CSF1: variants seen among roughly 807,000 people sequenced by gnomAD.
CSF1 encodes macrophage colony-stimulating factor 1.
In CSF1, 9 loss-of-function variants were observed where a neutral mutation model predicts 48.9. That is an observed-to-expected ratio of 0.18 (90% CI 0.11 to 0.32). CSF1 has a LOEUF of 0.32. CSF1 is among the 10% of genes least tolerant of loss of function. CSF1 has a pLI of 1.00. For missense variants in CSF1, 672 were observed against 697.9 expected, an observed-to-expected ratio of 0.96 and a Z score of 0.42; for synonymous variants, 305 against 284.1, an observed-to-expected ratio of 1.07 and a Z score of -0.74.
intron 4 of CSF1, among the ~76,000 whole-genome samples, chr1:109,921,626 C>A (rs1647547192): frequency 6.6e-6 from 1 of 152,166 alleles, no homozygotes; most frequent in Non-Finnish European, 1.5e-5. Context: ...AGGTAATTAC[C>A]ATATGCCTGG....
At position 109,921,993 on chromosome 1, in the gene CSF1, A is replaced by T; in HGVS notation, c.543A>T (p.Gln181His). The T allele has an allele frequency of 6.3e-7, 1 of 1,596,002 alleles. No individual in the cohort carries two copies. Residue 181 changes from glutamine to histidine, a missense_variant and splice_region_variant, in exon 5 of 9, where the codon CAA (glutamine) becomes CAT (histidine). Transcript: ENST00000329608. Reference protein sequence around the residue: ...CNNSFAECSSQDVVTKPDCNC... With the variant: ...CNNSFAECSSHDVVTKPDCNC... ...ACAGCTTTGCTGAATGCTCCAGCCA[A>T]GGTAAGCATGGCAGGGGCCAGCAAG...
At chr1:109,920,568 C>T (rs1257670871) in intron 4 of CSF1, among the ~76,000 whole-genome samples, 2 of 152,288 alleles carry the variant, frequency 1.3e-5, no homozygotes, top group Admixed American at 1.3e-4. Flanking sequence ...CAGCCTGCCT[C>T]GGCCTCCCAA....
intron 3 of CSF1, 102 bp from the exon 4 acceptor site, chr1:109,917,191 T>TG: frequency 7.9e-7 from 1 of 1,267,900 alleles, no homozygotes; most frequent in South Asian, 1.4e-5. Context: ...GTCCCTCCCC[T>TG]GGGGGAAGGG....
rs752705819 is a variant in CSF1, at chr1:109,923,769, C to G, written c.1148C>G (p.Thr383Ser). The G allele has an allele frequency of 3.1e-6, 5 of 1,607,192 alleles. No individual in the cohort carries two copies. The highest frequency in any genetic ancestry group is 1.7e-4 in the Middle Eastern group (1 of 6,006). The change falls in exon 6 of 9, where the codon ACC becomes AGC. Residue 383 changes from threonine (T) to serine (S), a missense_variant. This residue lies in a region of CSF1 where 591 missense variants were observed against 593.6 expected (regional missense o/e 1.00). Transcript: ENST00000329608. ...CCCACTGGCCAGGACTGGAATCACA[C>G]CCCCCAGAAGACAGACCATCCATCT... ...VRPTGQDWNH[T>S]PQKTDHPSAL...
intron 4 of CSF1, among the ~76,000 whole-genome samples, chr1:109,918,701 C>T (rs1647369471): frequency 6.6e-6 from 1 of 151,980 alleles, no homozygotes; most frequent in South Asian, 2.1e-4. Context: ...ATGGGCAGAG[C>T]AGGTTTGAGG....
rs911273942 is a variant in CSF1, at chr1:109,915,762, G to T, written c.225+66G>T. On this transcript the variant is annotated intron_variant, in intron 3 of 8. Transcript: ENST00000329608. ...ATGCAACTCCCAGGGTGGGGTGTGT[G>T]GGGGAGCATGAAAGCGGCAGAATGC... 9 of 1,348,996 alleles carry T rather than the reference G, an allele frequency of 6.7e-6. No homozygotes were observed. In the Admixed American group the frequency reaches 6.7e-5, roughly 10 times the overall value. 83.6% of individuals were successfully genotyped at this position (1,348,996 alleles called of 1,614,324 possible).
At chr1:109,925,654 C>T (rs1387772710) in intron 8 of CSF1, among the ~76,000 whole-genome samples, 2 of 152,198 alleles carry the variant, frequency 1.3e-5, no homozygotes, top group African/African-American at 4.8e-5. Flanking sequence ...GTTAACCCTC[C>T]TCCCCAGCTG....
At position 109,929,695 on chromosome 1, in the gene CSF1, C is replaced by A; in HGVS notation, c.*857C>A. On this transcript the variant is annotated 3_prime_UTR_variant, in exon 9 of 9. Transcript: ENST00000329608. The stretch of plus-strand genomic sequence containing the variant: ...CAGCCTGCCCCCGTCCATCCATGAG[C>A]CAGCATCCGTCCGTCCTCCACTCTC... 6.5e-6 allele frequency: 1 copy of A among 154,594 alleles called. No homozygotes were observed. Among genetic ancestry groups the A allele is most frequent in the Non-Finnish European group, 1.4e-5 (1 of 69,612 alleles). The allele number at this position is 154,594 out of a possible 1,614,324, so 9.6% of individuals were successfully genotyped here.
In CSF1 at chr1:109,914,377, G is replaced by T; in HGVS notation, c.158G>T (p.Arg53Leu). ...AGTGGACACCTGCAGTCTCTGCAGC[G>T]GCTGGTGAGTGTGTGGCCATGCTGT... ...IGSGHLQSLQ[R>L]LIDSQMETSC... Residue 53 changes from arginine to leucine, a missense_variant, in exon 2 of 9, where the codon CGG becomes CTG. Arg to Leu is a moderately radical substitution (Grantham distance 102). Around this residue, in one of 3 missense-constraint regions of CSF1, gnomAD observed 28 missense variants for 58.8 expected, o/e 0.48. Transcript: ENST00000329608. 5 of 1,598,284 alleles carry T rather than the reference G, an allele frequency of 3.1e-6. No individual in the cohort carries two copies. The South Asian group carries it at 4.6e-5, about 15-fold the overall frequency.
In CSF1 at chr1:109,922,010, G is replaced by T. The variant is rs769778625; in HGVS notation, c.544+16G>T. ...TCCAGCCAAGGTAAGCATGGCAGGG[G>T]CCAGCAAGTGTGTGGGGGTGGTAGC... is the stretch of plus-strand genomic sequence containing the variant. On this transcript the variant is annotated intron_variant, in intron 5 of 8. Coordinates refer to ENST00000329608, the MANE Select transcript of CSF1 (RefSeq NM_000757.6). 1.3e-6 allele frequency: 2 copies of T among 1,581,100 alleles called. No individual in the cohort carries two copies.
chr1:109,914,451 G>C, intron 2 of CSF1, 70 bp downstream of exon 2: 1 of 1,497,442 alleles, frequency 6.7e-7, no homozygotes, highest in Non-Finnish European at 8.9e-7. Context: ...CCAGGGAGCA[G>C]GTCAAAGAGA....
At position 109,923,296 on chromosome 1, in the gene CSF1, C is replaced by T. The variant is rs1184106445; in HGVS notation, c.675C>T (p.Asp225=). 13 of 1,612,666 alleles carry T rather than the reference C, an allele frequency of 8.1e-6. No individual in the cohort carries two copies. The highest frequency in any genetic ancestry group is 2.2e-5 in the East Asian group (1 of 44,880). The change falls in exon 6 of 9, where the codon GAC becomes GAT. Residue 225 remains aspartate (D), a synonymous_variant. Coordinates refer to ENST00000329608, the MANE Select transcript of CSF1 (RefSeq NM_000757.6). ...MAPVAGLTWE[D]SEGTEGSSLL... is the part of the protein sequence containing the mutation. ...CTGTGGCTGGCTTGACCTGGGAGGACTCTGAGGGAACTGAGGGCAGCTCCC... is the reference window on the plus strand; with the variant it reads ...CTGTGGCTGGCTTGACCTGGGAGGATTCTGAGGGAACTGAGGGCAGCTCCC...
chr1:109,915,548 A>G, intron 2 of CSF1, 86 bp from the exon 3 acceptor site: 1 of 1,152,588 alleles, frequency 8.7e-7, no homozygotes, highest in Non-Finnish European at 1.3e-6. Context: ...ATCCACTCAG[A>G]AGCTAAGGTC....
chr1:109,912,023 A>G (rs1654710881), intron 1 of CSF1, among the ~76,000 whole-genome samples: 1 of 151,868 alleles, frequency 6.6e-6, no homozygotes, highest in Non-Finnish European at 1.5e-5. Flanking sequence ...GCAGAAAATT[A>G]TTTGGGGGTA....
intron 4 of CSF1, among the ~76,000 whole-genome samples, chr1:109,920,221 G>C (rs1462994986): frequency 6.6e-6 from 1 of 151,692 alleles, no homozygotes; most frequent in Non-Finnish European, 1.5e-5. Context: ...TTACCAGATA[G>C]ACGTACGAAT....
At chr1:109,924,703 C>T in intron 6 of CSF1, 73 bp from the exon 7 acceptor site, 10 of 1,349,748 alleles carry the variant, frequency 7.4e-6, no homozygotes, top group Non-Finnish European at 1.0e-5. Context: ...CTGGGGCAGC[C>T]CTTACTGGGG....
chr1:109,926,539 T>A (rs1647848042), intron 8 of CSF1: 1 of 152,268 alleles, frequency 6.6e-6, no homozygotes, highest in Non-Finnish European at 1.5e-5. Flanking sequence ...TCTTTGCCCA[T>A]GTTGTTGATG....
At chr1:109,924,228 T>G in intron 6 of CSF1, 38 bp downstream of exon 6, 1 of 1,546,826 alleles carries the variant, frequency 6.5e-7, no homozygotes, top group Admixed American at 1.9e-5. Flanking sequence ...GCACGTCCCT[T>G]AGGGCAGGGG....
chr1:109,912,005 G>A (rs900552500), intron 1 of CSF1, among the ~76,000 whole-genome samples: 1 of 151,996 alleles, frequency 6.6e-6, no homozygotes, highest in Non-Finnish European at 1.5e-5. Flanking sequence ...AAACCTGGGG[G>A]GAAAAGAGCA....
Sources: gnomAD v4.1 joint callset for allele counts (sites outside exome capture counted in the v4.1 genomes callset) on GRCh38, gnomAD v4.1.1 for gene constraint, gnomAD v4.1.1 regional missense constraint, MANE v1.5 for transcripts, NCBI Gene and HGNC (gene_info 2026-07-23, HGNC 2026-07-21) for gene names.